The following MYO5B variants were observed in gnomAD, a reference collection of about 807,000 sequenced individuals.
MYO5B encodes the protein unconventional myosin-Vb.
A neutral mutation model predicts 229.3 loss-of-function variants in MYO5B; 143 were observed. The observed-to-expected ratio is 0.62, with a 90% confidence interval of 0.54 to 0.72. MYO5B has a LOEUF of 0.72. Among genes scored for constraint, MYO5B ranks in the 30% least tolerant of loss-of-function variants. The pLI, the probability that MYO5B is intolerant of heterozygous loss-of-function variation, is 0.00. For missense variants in MYO5B, 2,321 were observed against 2,331.0 expected (o/e 1.00, Z 0.09); for synonymous variants, 918 against 885.2 (o/e 1.04, Z -0.66).
chr18:50,099,375 A>G (rs532479213), intron 1 of MYO5B, among the ~76,000 whole-genome samples: 2 of 152,366 alleles, frequency 1.3e-5, no homozygotes, highest in East Asian at 1.9e-4. Flanking sequence ...TCCAGAGTGG[A>G]TAAGTGACAC....
At chr18:50,100,987 C>T (rs1375259520) in intron 1 of MYO5B, among the ~76,000 whole-genome samples, 5 of 152,100 alleles carry the variant, frequency 3.3e-5, no homozygotes, top group African/African-American at 7.2e-5. Flanking sequence ...ACCACAGGTC[C>T]GGGGAAGGGA....
At chr18:50,055,797 C>G (rs1363823814) in intron 1 of MYO5B, among the ~76,000 whole-genome samples, 1 of 152,228 alleles carries the variant, frequency 6.6e-6, no homozygotes, top group Non-Finnish European at 1.5e-5. Flanking sequence ...GCTTGGGAAT[C>G]TCTGCTGATA....
intron 3 of MYO5B, among the ~76,000 whole-genome samples, chr18:50,038,346 C>T (rs1364302569): frequency 6.6e-6 from 1 of 152,068 alleles, no homozygotes; most frequent in Admixed American, 6.5e-5. Context: ...ACACTGGGAA[C>T]GCGAAGTGTA....
At chr18:50,034,245 C>G (rs747919450) in intron 4 of MYO5B, among the ~76,000 whole-genome samples, 1 of 152,212 alleles carries the variant, frequency 6.6e-6, no homozygotes. Flanking sequence ...GCACAACAGA[C>G]AGTTGACAAG....
chr18:50,057,240 T>C (rs1322104668), intron 1 of MYO5B, among the ~76,000 whole-genome samples: 1 of 152,196 alleles, frequency 6.6e-6, no homozygotes, highest in Non-Finnish European at 1.5e-5. Flanking sequence ...AAAGCTGCTG[T>C]CCCTAAGCTT....
At chr18:49,955,432 C>T (rs534994206) in intron 12 of MYO5B, among the ~76,000 whole-genome samples, 108 of 152,296 alleles carry the variant, frequency 7.1e-4, no homozygotes, top group African/African-American at 2.5e-3. Flanking sequence ...CAGTCCAGTC[C>T]TCAGTGACGG....
chr18:49,995,257 C>CTT (rs34197598), intron 5 of MYO5B, among the ~76,000 whole-genome samples: 3,779 of 137,408 alleles, frequency 0.028, 183 homozygotes, highest in African/African-American at 0.088. Flanking sequence ...CACTTATATC[C>CTT]TTTTTTTTTT....
intron 4 of MYO5B, 82 bp from the exon 5 acceptor site, chr18:50,001,493 G>C: frequency 6.6e-7 from 1 of 1,507,884 alleles, no homozygotes; most frequent in Non-Finnish European, 9.2e-7. Context: ...ACAAGGGCCT[G>C]AGCCTCACTG....
At position 50,055,371 on chromosome 18, in the gene MYO5B, C is replaced by T. The variant is rs1319258851; in HGVS notation, c.35G>A (p.Arg12Lys). 9.3e-6 allele frequency: 15 copies of T among 1,613,370 alleles called. No individual in the cohort carries two copies. Among genetic ancestry groups the T allele is most frequent in the Non-Finnish European group, 1.2e-5 (14 of 1,179,526 alleles). The change falls in exon 2 of 40, where the codon AGG becomes AAG. Residue 12 changes from arginine (R) to lysine (K), a missense_variant. Arg to Lys is a conservative substitution (Grantham distance 26, BLOSUM62 2). Around this residue, in one of 2 missense-constraint regions of MYO5B, gnomAD observed 2,113 missense variants for 2,044.7 expected, o/e 1.03. Transcript: ENST00000285039. ...CTCATCAGGGTCAGGGATCCAGACCCTTGTGCACTGAAAGATTAAAACAGA... is the reference window on the plus strand; with the variant it reads ...CTCATCAGGGTCAGGGATCCAGACCTTTGTGCACTGAAAGATTAAAACAGA... ...SVGELYSQCT[R>K]VWIPDPDEVW... is the part of the protein sequence containing the mutation.
chr18:49,969,937 C>CTGGCCA (rs1471397594), intron 10 of MYO5B: 1 of 152,260 alleles, frequency 6.6e-6, no homozygotes, highest in East Asian at 1.9e-4. Flanking sequence ...CAAGAATGGG[C>CTGGCCA]TGGCCATAGC....
chr18:50,019,232 C>T (rs8098154), intron 4 of MYO5B, among the ~76,000 whole-genome samples: 148,955 of 152,316 alleles, frequency 0.98, 72,929 homozygotes, highest in East Asian at 1. Context: ...AATATAAACG[C>T]ATAGAAGTCA....
rs532077411 is a variant in MYO5B at position 49,970,779 on chromosome 18, G to A, written c.1322+3571C>T. The stretch of plus-strand genomic sequence containing the variant: ...CCAGTGGAAGAAATCAGTGGCCACT[G>A]GTGGGGTCAAGGGGAAGAAGCAGCA... On this transcript the variant is annotated intron_variant, in intron 10 of 39. Transcript: ENST00000285039. The A allele has an allele frequency of 2.6e-5, 4 of 152,308 alleles. No homozygotes were observed. The East Asian group carries it at 7.7e-4, about 29-fold the overall frequency. The allele number at this position is 152,308 out of a possible 1,614,324, so 9.4% of individuals were successfully genotyped here.
chr18:50,102,240 G>C (rs1372267014), intron 1 of MYO5B, among the ~76,000 whole-genome samples: 1 of 152,038 alleles, frequency 6.6e-6, no homozygotes, highest in African/African-American at 2.4e-5. Flanking sequence ...CATACACTGA[G>C]AACTGTTGTG....
chr18:49,851,963 C>A (rs1027180932), intron 31 of MYO5B, among the ~76,000 whole-genome samples: 1 of 152,124 alleles, frequency 6.6e-6, no homozygotes, highest in Non-Finnish European at 1.5e-5. Context: ...TGGAAGGAGT[C>A]TCTCAGCAGG....
intron 17 of MYO5B, among the ~76,000 whole-genome samples, chr18:49,913,996 C>T (rs951861504): frequency 1.2e-4 from 18 of 152,080 alleles, no homozygotes; most frequent in Admixed American, 2.0e-4. Context: ...CCATCCATCC[C>T]GCTAAGAGCC....
intron 16 of MYO5B, among the ~76,000 whole-genome samples, chr18:49,933,278 C>G (rs533380659): frequency 1.3e-5 from 2 of 152,196 alleles, no homozygotes; most frequent in Non-Finnish European, 2.9e-5. Flanking sequence ...CGCCCCAGGC[C>G]ACTGCTGCTC....
At chr18:50,147,091 C>A (rs879555561) in intron 1 of MYO5B, among the ~76,000 whole-genome samples, 1 of 152,310 alleles carries the variant, frequency 6.6e-6, no homozygotes, top group Admixed American at 6.5e-5. Context: ...GAATCCCTAA[C>A]CCTTATTTCC....
chr18:49,834,507 C>CA (rs1170204761), intron 39 of MYO5B, among the ~76,000 whole-genome samples: 2 of 152,210 alleles, frequency 1.3e-5, no homozygotes, highest in Non-Finnish European at 2.9e-5. Flanking sequence ...GTCAGGCGCT[C>CA]AGCCATCACC....
At chr18:50,016,104 G>A (rs139485361) in intron 4 of MYO5B, among the ~76,000 whole-genome samples, 322 of 152,336 alleles carry the variant, frequency 2.1e-3, no homozygotes, top group African/African-American at 7.4e-3. Flanking sequence ...CAGACAGTAG[G>A]CAAGGCCTTC....
Sources: allele counts gnomAD v4.1 joint callset (sites outside exome capture counted in the v4.1 genomes callset), GRCh38; gene constraint gnomAD v4.1.1; regional missense constraint gnomAD v4.1.1; transcripts MANE v1.5; gene names NCBI Gene and HGNC (gene_info 2026-07-23, HGNC 2026-07-21).